ARHGAP19: variants seen among roughly 807,000 people sequenced by gnomAD.
ARHGAP19 encodes rho GTPase-activating protein 19.
A neutral mutation model predicts 60.9 loss-of-function variants in ARHGAP19; 48 were observed. That is an observed-to-expected ratio of 0.79 (90% CI 0.62 to 1.00). The LOEUF is 1.00. Among genes scored for constraint, ARHGAP19 ranks in the 50% least tolerant of loss-of-function variants. The pLI is 0.00. For synonymous variants in ARHGAP19, 209 were observed against 215.5 expected (o/e 0.97, Z 0.27); for missense variants, 562 against 597.2 (o/e 0.94, Z 0.61).
chr10:97,290,518 G>A (rs1052983842), intron 1 of ARHGAP19, among the ~76,000 whole-genome samples: 3 of 152,026 alleles, frequency 2.0e-5, no homozygotes, highest in Non-Finnish European at 2.9e-5. Context: ...CCTTGGAATC[G>A]GTGAGGCTGA....
intron 1 of ARHGAP19, among the ~76,000 whole-genome samples, chr10:97,286,596 A>C (rs1843158499): frequency 6.6e-6 from 1 of 152,170 alleles, no homozygotes; most frequent in African/African-American, 2.4e-5. Flanking sequence ...CGTGTCAAAA[A>C]ACCAAGGCTC....
intron 4 of ARHGAP19, among the ~76,000 whole-genome samples, chr10:97,262,443 G>T (rs891190984): frequency 6.6e-6 from 1 of 152,000 alleles, no homozygotes; most frequent in Non-Finnish European, 1.5e-5. Flanking sequence ...AAGGTAGGCC[G>T]ATCACAAGAT....
intron 1 of ARHGAP19, among the ~76,000 whole-genome samples, chr10:97,266,926 C>A (rs999783967): frequency 1.3e-5 from 2 of 152,092 alleles, no homozygotes; most frequent in Admixed American, 1.3e-4. Flanking sequence ...CACAGCCAAA[C>A]CATATCATTC....
At chr10:97,239,681 A>T (rs956838924) in intron 8 of ARHGAP19, among the ~76,000 whole-genome samples, 1 of 151,104 alleles carries the variant, frequency 6.6e-6, no homozygotes, top group Non-Finnish European at 1.5e-5. Flanking sequence ...TAAAATCTGT[A>T]ATGTTAGTAA....
intron 9 of ARHGAP19, among the ~76,000 whole-genome samples, chr10:97,233,949 G>A (rs528646837): frequency 6.6e-6 from 1 of 151,124 alleles, no homozygotes; most frequent in Non-Finnish European, 1.5e-5. Flanking sequence ...GTTGGGGGGT[G>A]GAGTGGGGGG....
intron 1 of ARHGAP19, among the ~76,000 whole-genome samples, chr10:97,282,775 C>A (rs965252158): frequency 6.6e-6 from 1 of 151,862 alleles, no homozygotes; most frequent in Non-Finnish European, 1.5e-5. Context: ...TTACTCGAAT[C>A]CCCAGTTATA....
At chr10:97,241,825 C>A (rs902044886) in intron 8 of ARHGAP19, among the ~76,000 whole-genome samples, 1 of 151,766 alleles carries the variant, frequency 6.6e-6, no homozygotes, top group Non-Finnish European at 1.5e-5. Flanking sequence ...CTGGCTAACA[C>A]GGTGAAACCC....
chr10:97,269,677 C>T (rs1054847146), intron 1 of ARHGAP19, among the ~76,000 whole-genome samples: 9 of 151,970 alleles, frequency 5.9e-5, no homozygotes, highest in African/African-American at 9.7e-5. Context: ...TCATAAAATG[C>T]GTAGCACCAA....
chr10:97,284,295 G>A (rs1477388965), intron 1 of ARHGAP19, among the ~76,000 whole-genome samples: 3 of 151,914 alleles, frequency 2.0e-5, no homozygotes, highest in African/African-American at 7.3e-5. Context: ...GCTAATTTTT[G>A]TCTTTTTAGT....
intron 8 of ARHGAP19, among the ~76,000 whole-genome samples, chr10:97,239,554 GTGTGTGT>G (rs1564713534): frequency 0.017 from 165 of 9,878 alleles, 6 homozygotes; most frequent in South Asian, 0.083. Flanking sequence ...GAGAGAGGGT[GTGTGTGT>G]GTGTGTGTGT....
At chr10:97,249,129 CAA>C (rs1842605470) in intron 6 of ARHGAP19, among the ~76,000 whole-genome samples, 1 of 151,980 alleles carries the variant, frequency 6.6e-6, no homozygotes, top group South Asian at 2.1e-4. Flanking sequence ...GAGAATGAGA[CAA>C]AGAAAAGCTA....
intron 1 of ARHGAP19, among the ~76,000 whole-genome samples, chr10:97,268,117 C>T (rs1462608893): frequency 6.6e-6 from 1 of 152,124 alleles, no homozygotes; most frequent in East Asian, 1.9e-4. Context: ...AAATTTCTTC[C>T]ACCTAAATCA....
At chr10:97,231,249 T>G (rs1851011080) in intron 9 of ARHGAP19, among the ~76,000 whole-genome samples, 1 of 152,070 alleles carries the variant, frequency 6.6e-6, no homozygotes, top group African/African-American at 2.4e-5. Context: ...TCTAAGCAGG[T>G]AAATGCACTT....
At chr10:97,268,092 C>T (rs1357202637) in intron 1 of ARHGAP19, among the ~76,000 whole-genome samples, 4 of 152,310 alleles carry the variant, frequency 2.6e-5, no homozygotes, top group Admixed American at 2.0e-4. Flanking sequence ...TCCTCTTGAA[C>T]ACTTTGCCAC....
At position 97,238,940 on chromosome 10, in the gene ARHGAP19, AT is replaced by A. The variant is rs1842425348; in HGVS notation, c.1186-3626del. ...TACTATTTTTTATCTTTTATACTGT[AT>A]TTTTACTGTACCTTTCCTTTGTTTA... is the stretch of plus-strand genomic sequence containing the variant. On this transcript the variant is annotated intron_variant, in intron 8 of 11. Transcript: ENST00000358531. 2.6e-5 allele frequency among the ~76,000 whole-genome samples: 4 copies of A among 152,242 alleles called. No homozygotes were observed. The East Asian group carries it at 7.7e-4, about 29-fold the overall frequency.
At chr10:97,250,270 A>AT (rs1332711832) in intron 6 of ARHGAP19, among the ~76,000 whole-genome samples, 2 of 152,196 alleles carry the variant, frequency 1.3e-5, no homozygotes, top group African/African-American at 4.8e-5. Flanking sequence ...GGGGAGAGTT[A>AT]TATATGAGTA....
chr10:97,223,887 A>T lies in ARHGAP19; in HGVS notation c.*2235T>A, dbSNP rs985004823. ...AGTCGATCACAGCTTCTATTAAGAA[A>T]AATGACCTATAAAACCCCTAAAGCA... On this transcript the variant is annotated 3_prime_UTR_variant, in exon 12 of 12. Transcript: ENST00000358531. 2 of 152,270 alleles carry T rather than the reference A, an allele frequency of 1.3e-5. No individual in the cohort carries two copies. The highest frequency in any genetic ancestry group is 2.9e-5 in the Non-Finnish European group (2 of 68,050). 9.4% of individuals were successfully genotyped at this position (152,270 alleles called of 1,614,324 possible). A position where few individuals can be genotyped will look rare whatever the true frequency, so the allele number is the denominator to read the frequency against.
At chr10:97,281,737 T>C (rs896860619) in intron 1 of ARHGAP19, among the ~76,000 whole-genome samples, 2 of 152,164 alleles carry the variant, frequency 1.3e-5, no homozygotes, top group African/African-American at 2.4e-5. Context: ...AGATCATTAA[T>C]AGCCAAATGC....
intron 5 of ARHGAP19, among the ~76,000 whole-genome samples, chr10:97,257,075 C>A (rs895795730): frequency 3.3e-5 from 5 of 151,900 alleles, no homozygotes. Flanking sequence ...GAGCCGAGAC[C>A]GCACCACTGC....
Sources: allele counts gnomAD v4.1 joint callset (sites outside exome capture counted in the v4.1 genomes callset), GRCh38; gene constraint gnomAD v4.1.1; transcripts MANE v1.5; gene names NCBI Gene and HGNC (gene_info 2026-07-23, HGNC 2026-07-21).